NFYC: variants seen among roughly 807,000 people sequenced by gnomAD.
NFYC encodes the protein nuclear transcription factor Y subunit gamma, also known as CAAT box DNA-binding protein subunit C.
In NFYC, 25 loss-of-function variants were observed where a neutral mutation model predicts 53.1. The ratio of observed to expected loss-of-function variants is 0.47; its 90% CI spans 0.34 to 0.66. The LOEUF (loss-of-function observed/expected upper bound fraction) is 0.66. Ranked by LOEUF, NFYC falls within the 30% of genes least tolerant of loss-of-function variation. The pLI is 0.01. For synonymous variants in NFYC, 145 were observed against 152.6 expected (o/e 0.95, Z 0.37); for missense variants, 260 against 422.7 (o/e 0.62, Z 3.38).
intron 6 of NFYC, 114 bp from the exon 7 acceptor site, chr1:40,762,774 T>C (rs1006988006): frequency 7.3e-6 from 7 of 959,012 alleles, no homozygotes; most frequent in Non-Finnish European, 8.9e-6. Context: ...GAGATGACCT[T>C]AGGCATTCAT....
intron 9 of NFYC, among the ~76,000 whole-genome samples, chr1:40,769,797 C>T (rs1039713064): frequency 2.5e-4 from 38 of 152,244 alleles, no homozygotes; most frequent in African/African-American, 8.7e-4. Context: ...GTTTTAATAG[C>T]ATGGACTGTT....
rs1647064535 is a variant in NFYC at position 40,771,078 on chromosome 1, A to G, written c.*250A>G. On this transcript the variant is annotated 3_prime_UTR_variant, in exon 10 of 10. Coordinates refer to ENST00000447388, the MANE Select transcript of NFYC (RefSeq NM_014223.5). ...ATTTCAATATGTTGAGTGTGTGTCC[A>G]ATGCTATGAAATTAAAATATTAAAT... is the stretch of plus-strand genomic sequence containing the variant. 7 of 541,304 alleles carry G rather than the reference A, an allele frequency of 1.3e-5. No homozygotes were observed. The East Asian group carries it at 2.1e-4, about 16-fold the overall frequency. 33.5% of individuals were successfully genotyped at this position (541,304 alleles called of 1,614,324 possible).
At chr1:40,749,212 T>C (rs1645776949) in intron 3 of NFYC, among the ~76,000 whole-genome samples, 1 of 152,176 alleles carries the variant, frequency 6.6e-6, no homozygotes, top group South Asian at 2.1e-4. Context: ...TTCAAGCTCA[T>C]TCTCCTTCCT....
chr1:40,707,870 TGAAA>T (rs974799457), intron 1 of NFYC, among the ~76,000 whole-genome samples: 2 of 144,118 alleles, frequency 1.4e-5, no homozygotes, highest in Non-Finnish European at 3.1e-5. Context: ...AAAAAAAGAA[TGAAA>T]GAAATAACGA....
At chr1:40,705,018 T>C (rs918803986) in intron 1 of NFYC, among the ~76,000 whole-genome samples, 8 of 152,254 alleles carry the variant, frequency 5.3e-5, no homozygotes, top group South Asian at 2.1e-4. Flanking sequence ...TTTAATACTT[T>C]CCATTTTTTC....
intron 3 of NFYC, among the ~76,000 whole-genome samples, chr1:40,748,130 C>A: frequency 6.6e-6 from 1 of 151,764 alleles, no homozygotes; most frequent in East Asian, 1.9e-4. Flanking sequence ...GCCACCGCAT[C>A]TGGCCTTTTC....
intron 1 of NFYC, among the ~76,000 whole-genome samples, chr1:40,700,282 T>C (rs1643368855): frequency 1.3e-5 from 2 of 152,354 alleles, no homozygotes; most frequent in Middle Eastern, 3.4e-3. Flanking sequence ...GTTGTTATTC[T>C]ACATGCCTTA....
intron 1 of NFYC, among the ~76,000 whole-genome samples, chr1:40,720,732 G>A (rs1475022577): frequency 6.6e-6 from 1 of 152,140 alleles, no homozygotes; most frequent in African/African-American, 2.4e-5. Flanking sequence ...GCCAGGTATG[G>A]TGGCAAGCAC....
At chr1:40,715,253 G>A (rs919744066) in intron 1 of NFYC, among the ~76,000 whole-genome samples, 12 of 151,664 alleles carry the variant, frequency 7.9e-5, no homozygotes, top group Non-Finnish European at 1.5e-4. Flanking sequence ...AAAAAACACC[G>A]AAATTAGCCA....
Position 40,770,426 on chromosome 1 carries a change from T to A in NFYC, c.889-283T>A, listed in dbSNP as rs1282280977. On this transcript the variant is annotated intron_variant, in intron 9 of 9. Coordinates refer to ENST00000447388, the MANE Select transcript of NFYC (RefSeq NM_014223.5). The surrounding 1 kb of genome is among the most constrained non-coding windows in gnomAD (Gnocchi z 5.3). Reference sequence around the variant, plus strand: ...ACAGCGTGCAGCAAGCTCGAGTCTCTGAGCTAACGGGAGAGGCAGAGCCCA... The same window carrying A: ...ACAGCGTGCAGCAAGCTCGAGTCTCAGAGCTAACGGGAGAGGCAGAGCCCA... The A allele has an allele frequency of 6.5e-7, 1 of 1,549,532 alleles. No individual in the cohort carries two copies. The highest frequency in any genetic ancestry group is 1.2e-5 in the South Asian group (1 of 84,052).
chr1:40,759,991 C>T (rs375926444), intron 6 of NFYC, among the ~76,000 whole-genome samples: 2 of 152,262 alleles, frequency 1.3e-5, no homozygotes, highest in East Asian at 1.9e-4. Flanking sequence ...GTTCTCACTT[C>T]GTCACTCAGG....
chr1:40,744,027 G>C (rs1238199092), intron 2 of NFYC, among the ~76,000 whole-genome samples: 2 of 152,194 alleles, frequency 1.3e-5, no homozygotes, highest in Admixed American at 6.5e-5. Flanking sequence ...CAACCCCTGG[G>C]CCACAGACCG....
intron 1 of NFYC, among the ~76,000 whole-genome samples, chr1:40,729,539 T>C (rs1446020288): frequency 6.6e-6 from 1 of 152,114 alleles, no homozygotes; most frequent in Non-Finnish European, 1.5e-5. Flanking sequence ...TTTCTTCATA[T>C]CAGCAATAAA....
At chr1:40,762,134 A>G (rs1161270729) in intron 6 of NFYC, among the ~76,000 whole-genome samples, 1 of 152,264 alleles carries the variant, frequency 6.6e-6, no homozygotes, top group African/African-American at 2.4e-5. Flanking sequence ...CAAGTCATAC[A>G]CATTGGGCAG....
chr1:40,724,996 A>C (rs758182888), intron 1 of NFYC, among the ~76,000 whole-genome samples: 4 of 152,172 alleles, frequency 2.6e-5, no homozygotes, highest in Non-Finnish European at 4.4e-5. Context: ...ACTTGGCATT[A>C]ATCAGAGTTG....
chr1:40,766,743 G>C (rs780957132), intron 8 of NFYC, 40 bp downstream of exon 8: 4 of 1,584,982 alleles, frequency 2.5e-6, no homozygotes, highest in Non-Finnish European at 3.5e-6. Flanking sequence ...TTGGAGACCA[G>C]GAGCAGATGG....
intron 4 of NFYC, among the ~76,000 whole-genome samples, chr1:40,750,937 A>G (rs1161446944): frequency 1.3e-5 from 2 of 152,206 alleles, no homozygotes; most frequent in African/African-American, 4.8e-5. Flanking sequence ...AAACTCATAT[A>G]TTGCTGGTCA....
At chr1:40,702,753 A>G (rs1296310558) in intron 1 of NFYC, among the ~76,000 whole-genome samples, 1 of 152,166 alleles carries the variant, frequency 6.6e-6, no homozygotes, top group Admixed American at 6.5e-5. Context: ...GTTGTTCAAG[A>G]CCAAGTTGGG....
At chr1:40,711,291 G>A (rs1209848097) in intron 1 of NFYC, among the ~76,000 whole-genome samples, 1 of 152,186 alleles carries the variant, frequency 6.6e-6, no homozygotes, top group East Asian at 1.9e-4. Flanking sequence ...CTAAGATGAA[G>A]AAGTATGTGT....
Sources: allele counts gnomAD v4.1 joint callset (sites outside exome capture counted in the v4.1 genomes callset), GRCh38; gene constraint gnomAD v4.1.1; non-coding constraint Gnocchi (gnomAD v3.1); transcripts MANE v1.5; gene names NCBI Gene and HGNC (gene_info 2026-07-23, HGNC 2026-07-21).